Variants in ALS2CL observed in about 807,000 individuals in gnomAD.
ALS2CL encodes the protein ALS2 C-terminal-like protein.
ALS2CL carries 112 observed loss-of-function variants against 127.9 expected under a neutral mutation model. The observed-to-expected ratio is 0.88, with a 90% confidence interval of 0.75 to 1.02. The LOEUF is 1.02. ALS2CL is among the 50% of genes least tolerant of loss of function. The probability of loss-of-function intolerance (pLI) is 0.00; values close to 1 mark genes in which losing one functional copy is unlikely to be tolerated. For missense variants in ALS2CL, 1,174 were observed against 1,236.7 expected (o/e 0.95, Z 0.76); for synonymous variants, 519 against 527.6 (o/e 0.98, Z 0.22).
At chr3:46,676,455 C>T in intron 18 of ALS2CL, 53 bp from the exon 19 acceptor site, 1 of 1,607,310 alleles carries the variant, frequency 6.2e-7, no homozygotes, top group East Asian at 2.2e-5. Flanking sequence ...GTCTGGAGCA[C>T]AGCATGCCCA....
At chr3:46,675,769 C>G in intron 19 of ALS2CL, 83 bp from the exon 20 acceptor site, 1 of 1,600,986 alleles carries the variant, frequency 6.2e-7, no homozygotes, top group African/African-American at 1.3e-5. Context: ...AAGGCAAAAG[C>G]AGGTGGCCTC....
intron 10 of ALS2CL, 92 bp downstream of exon 10, chr3:46,683,038 C>A: frequency 2.3e-6 from 3 of 1,332,614 alleles, no homozygotes. Context: ...GCTCCTGGAA[C>A]ATGTCCTGAG....
At position 46,685,643 on chromosome 3, in the gene ALS2CL, T is replaced by A. The variant is rs768681309; in HGVS notation, c.668A>T (p.Asp223Val). Residue 223 changes from aspartate (D) to valine (V), a missense_variant and splice_region_variant, in exon 7 of 26, where the codon GAT becomes GTT. Physicochemically the swap from Asp to Val is radical, Grantham distance 152 (BLOSUM62 -3). Transcript: ENST00000318962. ...TCTGTGAGCAGGGGTGCAGAGCACA[T>A]CCTGGTGGGGCAAAGAGGACAGTAC... ...LWHTLRGRLRDVLCTPAHRLL... is the reference protein window; with the variant it reads ...LWHTLRGRLRVVLCTPAHRLL... 2 of 1,613,446 alleles carry A rather than the reference T, an allele frequency of 1.2e-6. No individual in the cohort carries two copies. The highest frequency in any genetic ancestry group is 1.7e-6 in the Non-Finnish European group (2 of 1,179,740).
At chr3:46,671,214 A>G in intron 25 of ALS2CL, 150 bp from the exon 26 acceptor site, 1 of 1,009,356 alleles carries the variant, frequency 9.9e-7, no homozygotes, top group Non-Finnish European at 1.5e-6. Context: ...TCTGCGAGGA[A>G]AATGGGGCCC....
At chr3:46,674,111 A>T (rs1698620169) in intron 21 of ALS2CL, among the ~76,000 whole-genome samples, 1 of 152,202 alleles carries the variant, frequency 6.6e-6, no homozygotes, top group Non-Finnish European at 1.5e-5. Flanking sequence ...CCCTACTCTC[A>T]GCCCAAGTGC....
At chr3:46,685,227 C>T (rs1699671109) in intron 7 of ALS2CL, among the ~76,000 whole-genome samples, 1 of 152,332 alleles carries the variant, frequency 6.6e-6, no homozygotes, top group Non-Finnish European at 1.5e-5. Context: ...AACAAACTCA[C>T]TCACAATGAC....
chr3:46,688,372 G>A (rs1193318542), intron 2 of ALS2CL, 76 bp from the exon 3 acceptor site: 3 of 1,427,114 alleles, frequency 2.1e-6, no homozygotes, highest in Non-Finnish European at 2.9e-6. Context: ...CAGGCCCCAG[G>A]TGTTCACATG....
chr3:46,686,395 A>G lies in ALS2CL; in HGVS notation c.579T>C (p.Phe193=). ...RELVVNAVTL[F]GNLQSFMKQE... is the part of the protein sequence containing the mutation. ...GCTTCATGAAGGACTGCAGGTTCCC[A>G]AAGAGGGTGACTGCGTTCACCACCA... Residue 193 remains phenylalanine, a synonymous_variant, in exon 6 of 26, where the codon TTT becomes TTC. Transcript: ENST00000318962. The surrounding 1 kb of genome is among the most constrained non-coding windows in gnomAD (Gnocchi z 4.3). 1.9e-6 allele frequency: 3 copies of G among 1,613,746 alleles called. No homozygotes were observed. The highest frequency in any genetic ancestry group is 2.5e-6 in the Non-Finnish European group (3 of 1,179,894).
At chr3:46,692,712 C>G (rs1700233489) in intron 1 of ALS2CL, among the ~76,000 whole-genome samples, 1 of 152,214 alleles carries the variant, frequency 6.6e-6, no homozygotes, top group African/African-American at 2.4e-5. Context: ...AGGGTGAGGA[C>G]AGAACTGGCC....
At chr3:46,679,411 C>T in intron 14 of ALS2CL, 124 bp from the exon 15 acceptor site, 2 of 812,400 alleles carry the variant, frequency 2.5e-6, no homozygotes, top group East Asian at 2.8e-5. Flanking sequence ...GGGCCCTGAG[C>T]CTCATCACGC....
chr3:46,671,631 A>G, intron 24 of ALS2CL, 47 bp from the exon 25 acceptor site: 5 of 1,612,946 alleles, frequency 3.1e-6, no homozygotes. Flanking sequence ...CAAGGAGAAG[A>G]GGCCTGTCGC....
chr3:46,680,745 C>G, intron 13 of ALS2CL: 1 of 582,468 alleles, frequency 1.7e-6, no homozygotes, highest in Non-Finnish European at 3.1e-6. Context: ...CTGGGAAGGG[C>G]ATCTGGGAGG....
Position 46,676,884 on chromosome 3 carries a change from C to T in ALS2CL, c.1896G>A (p.Glu632=), listed in dbSNP as rs1342153576. 3 of 1,613,574 alleles carry T rather than the reference C, an allele frequency of 1.9e-6. No homozygotes were observed. Among genetic ancestry groups the T allele is most frequent in the Admixed American group, 3.3e-5 (2 of 59,992 alleles). The change falls in exon 17 of 26, where the codon GAG becomes GAA. Residue 632 remains glutamate, a synonymous_variant. Coordinates refer to ENST00000318962, the MANE Select transcript of ALS2CL (RefSeq NM_147129.5). The part of the protein sequence containing the change: ...LLGFDVQSSR[E]LRRSQDYLSC... ...ACAGGTAATCCTGAGACCTACGCAG[C>T]TCCCTGGAGCTCTGCACGTCGAAGC...
At chr3:46,683,899 A>T (rs1315834512) in intron 8 of ALS2CL, 51 bp from the exon 9 acceptor site, 1 of 1,613,296 alleles carries the variant, frequency 6.2e-7, no homozygotes, top group African/African-American at 1.3e-5. Flanking sequence ...AGGAGGGTGG[A>T]GGGGCCCAAG....
In ALS2CL at chr3:46,686,447, G is replaced by C; in HGVS notation, c.535-8C>G. 7 of 1,611,196 alleles carry C rather than the reference G, an allele frequency of 4.3e-6. No homozygotes were observed. Among genetic ancestry groups the C allele is most frequent in the Non-Finnish European group, 2.5e-6 (3 of 1,178,600 alleles). On this transcript the variant is annotated splice_region_variant and splice_polypyrimidine_tract_variant and intron_variant, in intron 5 of 25. Coordinates refer to ENST00000318962, the MANE Select transcript of ALS2CL (RefSeq NM_147129.5). The surrounding 1 kb of genome is among the most constrained non-coding windows in gnomAD (Gnocchi z 4.3). ...CTCCCGGGTTGGGTGATGCTGAAGG[G>C]GGACAGGGCAGCCAGTGAGAGGAGA...
At chr3:46,687,332 A>G (rs1314191999) in intron 4 of ALS2CL, among the ~76,000 whole-genome samples, 184 bp from the exon 5 acceptor site, 1 of 152,202 alleles carries the variant, frequency 6.6e-6, no homozygotes, top group Non-Finnish European at 1.5e-5. Context: ...AATATCTCAG[A>G]GTATGAAGGG....
chr3:46,677,782 T>C (rs58076736), intron 16 of ALS2CL, among the ~76,000 whole-genome samples: 4,274 of 152,250 alleles, frequency 0.028, 191 homozygotes, highest in African/African-American at 0.097. Flanking sequence ...AGTCTATCCT[T>C]CTCTGGAATA....
chr3:46,686,262 C>A lies in ALS2CL; in HGVS notation c.666+46G>T, dbSNP rs1699764311. 5 of 1,562,938 alleles carry A rather than the reference C, an allele frequency of 3.2e-6. No individual in the cohort carries two copies. In the South Asian group the frequency reaches 6.1e-5, roughly 19 times the overall value. On this transcript the variant is annotated intron_variant, in intron 6 of 25. Coordinates refer to ENST00000318962, the MANE Select transcript of ALS2CL (RefSeq NM_147129.5). This position sits in a 1 kb window ranked among gnomAD's most constrained non-coding sequence, Gnocchi z 4.3. ...TCAAGCCCCCCAACATCTCCATGCC[C>A]AATGTGGAACCCCCTCCCTAACTGC...
intron 19 of ALS2CL, 46 bp downstream of exon 19, chr3:46,676,199 A>G (rs758103665): frequency 4.4e-6 from 7 of 1,593,942 alleles, no homozygotes; most frequent in Middle Eastern, 1.7e-4. Flanking sequence ...GAAAGGGCAC[A>G]CTAGTGTCAC....
Sources: allele counts gnomAD v4.1 joint callset (sites outside exome capture counted in the v4.1 genomes callset), GRCh38; gene constraint gnomAD v4.1.1; non-coding constraint Gnocchi (gnomAD v3.1); transcripts MANE v1.5; gene names NCBI Gene and HGNC (gene_info 2026-07-23, HGNC 2026-07-21).